Variants in PHF21A observed in about 807,000 individuals in gnomAD.
PHF21A encodes the protein PHD finger protein 21A.
PHF21A carries 11 observed loss-of-function variants against 82.5 expected under a neutral mutation model. The observed-to-expected ratio is 0.13, with a 90% CI of 0.08 to 0.22. The LOEUF (loss-of-function observed/expected upper bound fraction) is 0.22, where lower values mean the gene tolerates loss of function less well. Ranked by LOEUF, PHF21A falls within the 10% of genes least tolerant of loss-of-function variation. The pLI, the probability that PHF21A is intolerant of heterozygous loss-of-function variation, is 1.00. For synonymous variants in PHF21A, 297 were observed against 302.8 expected (o/e 0.98, Z 0.20); for missense variants, 579 against 837.8 (o/e 0.69, Z 3.81).
At chr11:45,935,612 G>T in intron 18 of PHF21A, 24 bp downstream of exon 18, 1 of 1,082,564 alleles carries the variant, frequency 9.2e-7, no homozygotes, top group Non-Finnish European at 1.4e-6. Flanking sequence ...TGTATCGACT[G>T]CTGAAGGCAT....
Position 46,121,139 on chromosome 11 carries a change from CCCTCCT to C in PHF21A, c.-447_-442del, listed in dbSNP as rs915736869. Reference sequence around the variant, plus strand: ...TTAAGATGGTAGGTTGTTCCCTTCTCCCTCCTCCTCCTCCTCCTCTCCTCTCCTCTC... The same window carrying C: ...TTAAGATGGTAGGTTGTTCCCTTCTCCCTCCTCCTCCTCTCCTCTCCTCTC... On this transcript the variant is annotated 5_prime_UTR_variant, in exon 1 of 19. Coordinates refer to ENST00000676320, the MANE Select transcript of PHF21A (RefSeq NM_001352027.3). The C allele has an allele frequency of 4.0e-5, 6 of 151,020 alleles. No individual in the cohort carries two copies. The highest frequency in any genetic ancestry group is 7.4e-5 in the African/African-American group (3 of 40,694). The allele number at this position is 151,020 out of a possible 1,614,324, so 9.4% of individuals were successfully genotyped here.
intron 6 of PHF21A, among the ~76,000 whole-genome samples, chr11:46,051,822 A>G (rs1022338186): frequency 1.3e-5 from 2 of 152,202 alleles, no homozygotes; most frequent in Non-Finnish European, 2.9e-5. Context: ...GGGTGGGGAA[A>G]CATGCAGAAG....
intron 6 of PHF21A, among the ~76,000 whole-genome samples, chr11:46,002,951 A>G (rs528039828): frequency 6.6e-6 from 1 of 152,314 alleles, no homozygotes; most frequent in African/African-American, 2.4e-5. Context: ...GAATTCAAAT[A>G]AAATGAATTA....
intron 6 of PHF21A, among the ~76,000 whole-genome samples, chr11:46,034,980 A>AGAGTTAGCCTACCGTTCTCCACTTCC (rs1226002519): frequency 6.6e-6 from 1 of 152,250 alleles, no homozygotes. Context: ...AGCCTACCGT[A>AGAGTTAGCCTACCGTTCTCCACTTCC]GTTAAAAATG....
intron 6 of PHF21A, among the ~76,000 whole-genome samples, chr11:46,019,084 T>A (rs2095578109): frequency 6.8e-6 from 1 of 146,788 alleles, no homozygotes; most frequent in South Asian, 2.1e-4. Context: ...CTAATCTAAT[T>A]TTTTTTTTTT....
intron 10 of PHF21A, among the ~76,000 whole-genome samples, chr11:45,954,483 T>A (rs1380933719): frequency 6.6e-6 from 1 of 152,148 alleles, no homozygotes; most frequent in Non-Finnish European, 1.5e-5. Context: ...AGAGGAGAGA[T>A]GCAATTGCTA....
chr11:45,978,229 C>T (rs551899898), intron 7 of PHF21A, among the ~76,000 whole-genome samples: 16 of 152,152 alleles, frequency 1.1e-4, no homozygotes, highest in East Asian at 9.7e-4. Context: ...GAACCCAAGA[C>T]GGTGGAGGTT....
At chr11:46,073,887 C>T (rs1356318171) in intron 6 of PHF21A, among the ~76,000 whole-genome samples, 1 of 152,136 alleles carries the variant, frequency 6.6e-6, no homozygotes, top group African/African-American at 2.4e-5. Context: ...TTTCAGAAAT[C>T]TCAAGTTACA....
At chr11:45,967,010 AGCTCT>A in intron 9 of PHF21A, among the ~76,000 whole-genome samples, 3 of 152,084 alleles carry the variant, frequency 2.0e-5, no homozygotes, top group Non-Finnish European at 2.9e-5. Context: ...TTAACTCTTT[AGCTCT>A]GCTCTCCTGG....
At chr11:46,013,393 T>C (rs1254574634) in intron 6 of PHF21A, among the ~76,000 whole-genome samples, 1 of 152,184 alleles carries the variant, frequency 6.6e-6, no homozygotes, top group African/African-American at 2.4e-5. Context: ...ATCACAGTGC[T>C]GTGTTCAAGT....
chr11:46,102,044 G>T (rs533460052), intron 1 of PHF21A, among the ~76,000 whole-genome samples: 2 of 152,140 alleles, frequency 1.3e-5, no homozygotes, highest in East Asian at 3.9e-4. Flanking sequence ...TTTTAGTAGA[G>T]ACAGGGTTTC....
intron 6 of PHF21A, among the ~76,000 whole-genome samples, chr11:46,005,205 G>T (rs1022006518): frequency 6.6e-6 from 1 of 152,116 alleles, no homozygotes; most frequent in South Asian, 2.1e-4. Flanking sequence ...GAGCACTGAC[G>T]TGATGCCACA....
chr11:45,971,248 G>A lies in PHF21A; in HGVS notation c.480C>T (p.Thr160=), dbSNP rs148927461. The change falls in exon 8 of 19, where the codon ACC becomes ACT. Residue 160 remains threonine, a synonymous_variant. Transcript: ENST00000676320. ...GCACAGCCTTCTGACTGTTGATGGC[G>A]GTCACCATAGCAATGGTAGGTCTCT... ...VGQRPTIAMV[T]AINSQKAVLS... is the part of the protein sequence containing the mutation. The A allele has an allele frequency of 2.9e-5, 47 of 1,613,992 alleles. No individual in the cohort carries two copies. Among genetic ancestry groups the A allele is most frequent in the Middle Eastern group, 1.6e-4 (1 of 6,070 alleles).
chr11:46,087,238 T>C (rs1016442266), intron 3 of PHF21A, among the ~76,000 whole-genome samples: 1 of 152,236 alleles, frequency 6.6e-6, no homozygotes, highest in African/African-American at 2.4e-5. Context: ...GAAAACATTA[T>C]ACTATCAAAC....
intron 6 of PHF21A, among the ~76,000 whole-genome samples, chr11:46,059,240 C>T (rs182802176): frequency 1.3e-5 from 2 of 152,074 alleles, no homozygotes; most frequent in Non-Finnish European, 1.5e-5. Context: ...ATAATTTAAA[C>T]GTCTAAAAAT....
intron 5 of PHF21A, among the ~76,000 whole-genome samples, chr11:46,078,300 TTCAA>T (rs1159516814): frequency 1.3e-5 from 2 of 152,208 alleles, no homozygotes; most frequent in African/African-American, 2.4e-5. Flanking sequence ...AGTACCATTC[TTCAA>T]TCAAAAACTT....
chr11:45,949,786 TC>T (rs1234641180), intron 12 of PHF21A, among the ~76,000 whole-genome samples: 2 of 152,230 alleles, frequency 1.3e-5, no homozygotes, highest in African/African-American at 4.8e-5. Flanking sequence ...ATGAGCTTTA[TC>T]CATAAGACTT....
intron 1 of PHF21A, among the ~76,000 whole-genome samples, chr11:46,105,985 T>C (rs1433914332): frequency 6.6e-6 from 1 of 152,254 alleles, no homozygotes; most frequent in African/African-American, 2.4e-5. Flanking sequence ...ATTTAATATT[T>C]GTATACTAAC....
chr11:46,020,012 T>C (rs1264003457), intron 6 of PHF21A, among the ~76,000 whole-genome samples: 1 of 152,034 alleles, frequency 6.6e-6, no homozygotes. Flanking sequence ...TTAGCCATCA[T>C]TATGAAGAGA....
Sources: gnomAD v4.1 joint callset for allele counts (sites outside exome capture counted in the v4.1 genomes callset) on GRCh38, gnomAD v4.1.1 for gene constraint, MANE v1.5 for transcripts, NCBI Gene and HGNC (gene_info 2026-07-23, HGNC 2026-07-21) for gene names.